MRAS: variants seen among roughly 807,000 people sequenced by gnomAD.
MRAS encodes the protein ras-related protein M-Ras.
Under a neutral mutation model 20.9 loss-of-function variants are expected in MRAS, and 4 were observed. The observed-to-expected ratio is 0.19, with a 90% CI of 0.09 to 0.44. MRAS has a LOEUF of 0.44. Among genes scored for constraint, MRAS ranks in the 20% least tolerant of loss-of-function variants. The pLI, the probability that MRAS is intolerant of heterozygous loss-of-function variation, is 0.99. For missense variants in MRAS, 154 were observed against 277.5 expected (o/e 0.56, Z 3.16); for synonymous variants, 98 against 102.9 (o/e 0.95, Z 0.29).
chr3:138,395,736 T>C (rs1468504607), intron 2 of MRAS, among the ~76,000 whole-genome samples: 1 of 152,218 alleles, frequency 6.6e-6, no homozygotes, highest in African/African-American at 2.4e-5. Flanking sequence ...TCTGTCTTGC[T>C]TCTAGATGGT....
At chr3:138,383,047 A>G (rs2054937608) in intron 2 of MRAS, among the ~76,000 whole-genome samples, 1 of 152,174 alleles carries the variant, frequency 6.6e-6, no homozygotes, top group African/African-American at 2.4e-5. Flanking sequence ...CTGGACAAAG[A>G]CCTTGCACCC....
chr3:138,367,891 T>C (rs2054595751), intron 1 of MRAS, among the ~76,000 whole-genome samples: 1 of 152,272 alleles, frequency 6.6e-6, no homozygotes, highest in Non-Finnish European at 1.5e-5. Context: ...AAAGAGCTTA[T>C]TTTTCCATTT....
At chr3:138,370,765 T>C (rs1291056508) in intron 1 of MRAS, among the ~76,000 whole-genome samples, 3 of 152,176 alleles carry the variant, frequency 2.0e-5, no homozygotes, top group Non-Finnish European at 4.4e-5. Flanking sequence ...TACACAAATA[T>C]AATGCATGCT....
chr3:138,370,150 C>G (rs1313657475), intron 1 of MRAS, among the ~76,000 whole-genome samples: 1 of 152,046 alleles, frequency 6.6e-6, no homozygotes, highest in Non-Finnish European at 1.5e-5. Flanking sequence ...AAACCTGTCT[C>G]TATTGAAAAT....
chr3:138,355,372 A>C (rs1479540174), intron 1 of MRAS, among the ~76,000 whole-genome samples: 1 of 152,194 alleles, frequency 6.6e-6, no homozygotes, highest in African/African-American at 2.4e-5. Flanking sequence ...CCTGAGCTGA[A>C]GCCTGGTGTT....
chr3:138,354,109 G>C (rs1345803052), intron 1 of MRAS, among the ~76,000 whole-genome samples: 1 of 152,258 alleles, frequency 6.6e-6, no homozygotes, highest in African/African-American at 2.4e-5. Flanking sequence ...GATGTGGTGA[G>C]GCAGCAGAGG....
At chr3:138,358,833 G>C (rs1483195700) in intron 1 of MRAS, among the ~76,000 whole-genome samples, 1 of 152,220 alleles carries the variant, frequency 6.6e-6, no homozygotes, top group East Asian at 1.9e-4. Flanking sequence ...GTGGGGGTCA[G>C]AGAAGTATAT....
intron 1 of MRAS, among the ~76,000 whole-genome samples, chr3:138,352,156 C>T (rs982281001): frequency 6.6e-6 from 1 of 152,226 alleles, no homozygotes; most frequent in African/African-American, 2.4e-5. Flanking sequence ...GGCACTGCCT[C>T]ATGCTTCCGC....
intron 2 of MRAS, among the ~76,000 whole-genome samples, chr3:138,378,735 A>G (rs1381375456): frequency 6.6e-6 from 1 of 152,194 alleles, no homozygotes; most frequent in Non-Finnish European, 1.5e-5. Context: ...TAAAGTGTAC[A>G]TAACATAAAA....
intron 2 of MRAS, 61 bp downstream of exon 2, chr3:138,373,137 T>A: frequency 7.5e-7 from 1 of 1,329,792 alleles, no homozygotes; most frequent in Non-Finnish European, 9.9e-7. Flanking sequence ...ATCAGGGAAA[T>A]TTGACAGGTT....
At chr3:138,400,371 A>C in intron 4 of MRAS, 163 bp from the exon 5 acceptor site, 4 of 633,450 alleles carry the variant, frequency 6.3e-6, no homozygotes, top group Non-Finnish European at 1.1e-5. Flanking sequence ...AACCTGAAAG[A>C]GTGAAAAGCC....
At chr3:138,350,247 ACCT>A (rs2054199733) in intron 1 of MRAS, 1 of 151,752 alleles carries the variant, frequency 6.6e-6, no homozygotes, top group Non-Finnish European at 1.5e-5. Context: ...CATTTTGTAA[ACCT>A]CCTAATTTCC....
chr3:138,399,979 C>G (rs760668632), intron 4 of MRAS, among the ~76,000 whole-genome samples: 21 of 152,202 alleles, frequency 1.4e-4, no homozygotes, highest in Admixed American at 2.6e-4. Context: ...AACGTGCAGA[C>G]AAAAACCTTG....
chr3:138,395,898 G>A (rs534291894), intron 2 of MRAS, among the ~76,000 whole-genome samples: 10 of 152,292 alleles, frequency 6.6e-5, no homozygotes, highest in African/African-American at 2.2e-4. Flanking sequence ...AGTACTGTTC[G>A]GGGCTACTTT....
chr3:138,369,946 G>A (rs1267045726), intron 1 of MRAS, among the ~76,000 whole-genome samples: 8 of 152,218 alleles, frequency 5.3e-5, no homozygotes, highest in Non-Finnish European at 1.2e-4. Context: ...AAGACAAACG[G>A]TTTTCCTTTT....
At chr3:138,381,858 C>T (rs1169575787) in intron 2 of MRAS, among the ~76,000 whole-genome samples, 1 of 152,206 alleles carries the variant, frequency 6.6e-6, no homozygotes, top group African/African-American at 2.4e-5. Context: ...AATCCACATT[C>T]TTTCTGGGGA....
At chr3:138,369,312 T>C (rs2054626388) in intron 1 of MRAS, among the ~76,000 whole-genome samples, 1 of 152,198 alleles carries the variant, frequency 6.6e-6, no homozygotes, top group African/African-American at 2.4e-5. Context: ...TTGTGGCGTC[T>C]GTGGCAGGAA....
chr3:138,395,492 C>T (rs1454852275), intron 2 of MRAS, among the ~76,000 whole-genome samples: 1 of 152,150 alleles, frequency 6.6e-6, no homozygotes, highest in Non-Finnish European at 1.5e-5. Flanking sequence ...TGCACACCTC[C>T]ACCTTTGAGC....
At chr3:138,381,987 G>A (rs1381430867) in intron 2 of MRAS, among the ~76,000 whole-genome samples, 1 of 152,234 alleles carries the variant, frequency 6.6e-6, no homozygotes, top group African/African-American at 2.4e-5. Context: ...CCTTAGGCCA[G>A]CTTCAGAGTG....
Sources: allele counts gnomAD v4.1 joint callset (sites outside exome capture counted in the v4.1 genomes callset), GRCh38; gene constraint gnomAD v4.1.1; transcripts MANE v1.5; gene names NCBI Gene and HGNC (gene_info 2026-07-23, HGNC 2026-07-21).